The following TMEM132D variants were observed in gnomAD, a reference collection of about 807,000 sequenced individuals.
TMEM132D encodes mature OL transmembrane protein.
TMEM132D carries 21 observed loss-of-function variants against 62.3 expected under a neutral mutation model. That is an observed-to-expected ratio of 0.34 (90% CI 0.24 to 0.49). TMEM132D has a LOEUF of 0.49. Ranked by LOEUF, TMEM132D falls within the 20% of genes least tolerant of loss-of-function variation. The pLI, the probability that TMEM132D is intolerant of heterozygous loss-of-function variation, is 0.99. For missense variants in TMEM132D, 1,346 were observed against 1,402.8 expected, an observed-to-expected ratio of 0.96 and a Z score of 0.65; for synonymous variants, 621 against 575.6, an observed-to-expected ratio of 1.08 and a Z score of -1.13.
chr12:129,104,940 T>C (rs1446154167), intron 5 of TMEM132D, among the ~76,000 whole-genome samples: 3 of 148,074 alleles, frequency 2.0e-5, no homozygotes, highest in African/African-American at 5.2e-5. Context: ...TTTACACTGT[T>C]GGTGGGACTG....
chr12:129,353,472 C>T (rs1439887742), intron 3 of TMEM132D, among the ~76,000 whole-genome samples: 2 of 152,110 alleles, frequency 1.3e-5, no homozygotes, highest in Non-Finnish European at 2.9e-5. Context: ...ACAAGAGTCC[C>T]ATCCTGCCAG....
intron 1 of TMEM132D, among the ~76,000 whole-genome samples, chr12:129,815,490 C>T (rs572734185): frequency 8.9e-4 from 135 of 152,320 alleles, no homozygotes; most frequent in Non-Finnish European, 1.4e-3. Flanking sequence ...GGGGGGGTGA[C>T]TGTCTCACCG....
At chr12:129,610,936 T>G (rs1221229863) in intron 2 of TMEM132D, among the ~76,000 whole-genome samples, 1 of 152,084 alleles carries the variant, frequency 6.6e-6, no homozygotes, top group African/African-American at 2.4e-5. Context: ...CTGGTCCAAA[T>G]TGCTCCCCAG....
intron 5 of TMEM132D, among the ~76,000 whole-genome samples, chr12:129,102,558 C>T (rs1280498431): frequency 1.3e-5 from 2 of 152,098 alleles, no homozygotes; most frequent in Non-Finnish European, 2.9e-5. Flanking sequence ...CACATACACA[C>T]ATGTATGGAT....
chr12:129,706,318 T>TA (rs1881506577), intron 1 of TMEM132D, among the ~76,000 whole-genome samples: 1 of 151,936 alleles, frequency 6.6e-6, no homozygotes, highest in African/African-American at 2.4e-5. Flanking sequence ...TAGGCATAGA[T>TA]ATTCTATAGA....
At chr12:129,220,313 G>C (rs1879315298) in intron 4 of TMEM132D, among the ~76,000 whole-genome samples, 1 of 152,086 alleles carries the variant, frequency 6.6e-6, no homozygotes, top group African/African-American at 2.4e-5. Flanking sequence ...GTCTGAGCCA[G>C]CAAAATGGAT....
At chr12:129,138,046 A>G (rs1876636843) in intron 5 of TMEM132D, among the ~76,000 whole-genome samples, 1 of 152,210 alleles carries the variant, frequency 6.6e-6, no homozygotes, top group South Asian at 2.1e-4. Flanking sequence ...ATTTTAGTTT[A>G]ATTTGGGGAT....
In TMEM132D at chr12:129,903,137, A is replaced by G. The variant is rs868258423; in HGVS notation, c.79+124T>C. ...CACACGCGCGCACACACACATGCAC[A>G]CAAGCGCGCACACACACTTGCACAC... On this transcript the variant is annotated intron_variant, in intron 1 of 8. Transcript: ENST00000422113. This position sits in a 1 kb window ranked among gnomAD's most constrained non-coding sequence, Gnocchi z 6.2. 1.4e-5 allele frequency: 15 copies of G among 1,036,842 alleles called. No homozygotes were observed. The Middle Eastern group carries it at 1.5e-3, about 101-fold the overall frequency. 64.2% of individuals were successfully genotyped at this position (1,036,842 alleles called of 1,614,324 possible).
chr12:129,855,273 G>A (rs1429439441), intron 1 of TMEM132D, among the ~76,000 whole-genome samples: 10 of 36,558 alleles, frequency 2.7e-4, no homozygotes, highest in African/African-American at 5.2e-4. Flanking sequence ...CCCTTGTAAC[G>A]GAGTCCGGGG....
intron 4 of TMEM132D, among the ~76,000 whole-genome samples, chr12:129,266,336 C>T (rs1880694647): frequency 6.6e-6 from 1 of 151,840 alleles, no homozygotes; most frequent in Non-Finnish European, 1.5e-5. Context: ...CAGGACTTGG[C>T]TCTTTCCTTC....
At chr12:129,685,634 C>T (rs1295045820) in intron 2 of TMEM132D, among the ~76,000 whole-genome samples, 1 of 152,158 alleles carries the variant, frequency 6.6e-6, no homozygotes, top group East Asian at 1.9e-4. Flanking sequence ...CACTGGGGTA[C>T]TGCCTAAAGG....
chr12:129,569,968 T>C (rs1286378213), intron 2 of TMEM132D, among the ~76,000 whole-genome samples: 2 of 152,192 alleles, frequency 1.3e-5, no homozygotes, highest in Non-Finnish European at 2.9e-5. Context: ...TGATTTTTGC[T>C]GAATGGCAAA....
chr12:129,861,922 A>G (rs1202035370), intron 1 of TMEM132D, among the ~76,000 whole-genome samples: 2 of 151,942 alleles, frequency 1.3e-5, no homozygotes, highest in Admixed American at 1.3e-4. Flanking sequence ...CCCCACCCAG[A>G]CCCAAGACTC....
chr12:129,606,754 A>G (rs147942717), intron 2 of TMEM132D, among the ~76,000 whole-genome samples: 10 of 152,320 alleles, frequency 6.6e-5, no homozygotes, highest in African/African-American at 2.2e-4. Flanking sequence ...GCGGCAAGAA[A>G]AAAAGTTACA....
chr12:129,888,817 C>G (rs978684830), intron 1 of TMEM132D, among the ~76,000 whole-genome samples: 1 of 152,182 alleles, frequency 6.6e-6, no homozygotes, highest in African/African-American at 2.4e-5. Flanking sequence ...TAATATAACT[C>G]TTCCCCTACT....
intron 1 of TMEM132D, among the ~76,000 whole-genome samples, chr12:129,783,296 C>T (rs1315981927): frequency 1.3e-5 from 2 of 152,124 alleles, no homozygotes; most frequent in African/African-American, 4.8e-5. Flanking sequence ...CATCCATCTA[C>T]CTTCAGAGGG....
chr12:129,466,039 G>A (rs1377873816), intron 3 of TMEM132D, among the ~76,000 whole-genome samples: 2 of 152,166 alleles, frequency 1.3e-5, no homozygotes, highest in Non-Finnish European at 2.9e-5. Flanking sequence ...CAGGATTAAT[G>A]TAAAGGGTGT....
At chr12:129,894,306 G>GC (rs1477150392) in intron 1 of TMEM132D, among the ~76,000 whole-genome samples, 1 of 152,102 alleles carries the variant, frequency 6.6e-6, no homozygotes, top group Non-Finnish European at 1.5e-5. Flanking sequence ...GGGGGACACC[G>GC]CCCCCCATGA....
chr12:129,614,583 C>A (rs375682152), intron 2 of TMEM132D, among the ~76,000 whole-genome samples: 1 of 152,314 alleles, frequency 6.6e-6, no homozygotes, highest in South Asian at 2.1e-4. Flanking sequence ...CCATAGCGAA[C>A]GGCAGTCCAA....
Sources: gnomAD v4.1 joint callset for allele counts (sites outside exome capture counted in the v4.1 genomes callset) on GRCh38, gnomAD v4.1.1 for gene constraint, Gnocchi (gnomAD v3.1) non-coding constraint, MANE v1.5 for transcripts, NCBI Gene and HGNC (gene_info 2026-07-23, HGNC 2026-07-21) for gene names.